CLTCL1: variants seen among roughly 807,000 people sequenced by gnomAD.
CLTCL1 encodes the protein clathrin heavy chain 2.
Under a neutral mutation model 190.0 loss-of-function variants are expected in CLTCL1, and 159 were observed. That is an observed-to-expected ratio of 0.84 (90% CI 0.74 to 0.95). CLTCL1 has a LOEUF of 0.95. Ranked by LOEUF, CLTCL1 falls within the 40% of genes least tolerant of loss-of-function variation. CLTCL1 has a pLI of 0.00. For missense variants in CLTCL1, 1,878 were observed against 2,033.4 expected (o/e 0.92, Z 1.47); for synonymous variants, 752 against 769.6 (o/e 0.98, Z 0.38).
intron 27 of CLTCL1, among the ~76,000 whole-genome samples, chr22:19,190,051 C>T (rs2084440647): frequency 6.6e-6 from 1 of 152,184 alleles, no homozygotes; most frequent in Non-Finnish European, 1.5e-5. Context: ...AGCGATTCTC[C>T]TGCCTCAGCC....
chr22:19,246,227 T>C (rs539145628), intron 3 of CLTCL1, among the ~76,000 whole-genome samples: 2 of 151,182 alleles, frequency 1.3e-5, no homozygotes, highest in East Asian at 3.9e-4. Context: ...GCCCGGCTAG[T>C]TTTTTTGTAT....
At chr22:19,249,705 GA>G (rs1299999609) in intron 3 of CLTCL1, among the ~76,000 whole-genome samples, 314 of 149,792 alleles carry the variant, frequency 2.1e-3, no homozygotes, top group Middle Eastern at 6.9e-3. Context: ...CAAAAGAAAA[GA>G]AAAAAAAAGA....
At chr22:19,223,696 C>T (rs1051086863) in intron 14 of CLTCL1, among the ~76,000 whole-genome samples, 195 bp downstream of exon 14, 1 of 152,218 alleles carries the variant, frequency 6.6e-6, no homozygotes, top group South Asian at 2.1e-4. Flanking sequence ...CAGCCTCAAG[C>T]TGCTTTCCAC....
rs1569174053 is a variant in CLTCL1 at position 19,210,311 on chromosome 22, C to CA, written c.3249+14dup. On this transcript the variant is annotated intron_variant, in intron 20 of 32. Coordinates refer to ENST00000427926, the MANE Select transcript of CLTCL1 (RefSeq NM_007098.4). ...GAAGGTGCTAGGTCCGACATGCTTACACTCAGCAGCCCACCTGGATTGCTG... is the reference window on the plus strand; with the variant it reads ...GAAGGTGCTAGGTCCGACATGCTTACAACTCAGCAGCCCACCTGGATTGCTG... The CA allele has an allele frequency of 1.2e-6, 2 of 1,611,696 alleles. No homozygotes were observed. The highest frequency in any genetic ancestry group is 2.7e-5 in the African/African-American group (2 of 74,924).
chr22:19,221,304 C>A, intron 17 of CLTCL1, 73 bp downstream of exon 17: 1 of 1,199,606 alleles, frequency 8.3e-7, no homozygotes, highest in Non-Finnish European at 1.2e-6. Flanking sequence ...GATCAGCTCC[C>A]CACAGGCACA....
chr22:19,220,040 C>T, intron 17 of CLTCL1, 33 bp from the exon 18 acceptor site: 6 of 1,612,940 alleles, frequency 3.7e-6, no homozygotes, highest in Non-Finnish European at 5.1e-6. Flanking sequence ...TGTGACACAG[C>T]AGCCAACCAG....
At chr22:19,239,172 G>A in intron 5 of CLTCL1, 103 bp downstream of exon 5, 1 of 875,230 alleles carries the variant, frequency 1.1e-6, no homozygotes, top group South Asian at 1.4e-5. Flanking sequence ...CACAGTGGCA[G>A]GAGACAGCAG....
At chr22:19,215,266 TA>T (rs1183932895) in intron 19 of CLTCL1, among the ~76,000 whole-genome samples, 3 of 152,206 alleles carry the variant, frequency 2.0e-5, no homozygotes, top group African/African-American at 4.8e-5. Flanking sequence ...TCTCCAAGTT[TA>T]AAAACACACA....
intron 26 of CLTCL1, among the ~76,000 whole-genome samples, chr22:19,192,930 A>G (rs554944407): frequency 5.3e-4 from 80 of 152,292 alleles, no homozygotes; most frequent in African/African-American, 1.9e-3. Context: ...CCCTTTACTC[A>G]GCAGCAGGGC....
At chr22:19,284,550 C>T (rs1177988548) in intron 1 of CLTCL1, among the ~76,000 whole-genome samples, 1 of 152,000 alleles carries the variant, frequency 6.6e-6, no homozygotes, top group African/African-American at 2.4e-5. Context: ...ATCCCAGCTA[C>T]CTGGGAGGCT....
intron 3 of CLTCL1, among the ~76,000 whole-genome samples, chr22:19,248,078 C>G (rs1283612796): frequency 6.6e-6 from 1 of 151,620 alleles, no homozygotes; most frequent in Non-Finnish European, 1.5e-5. Context: ...AGGCAGATCA[C>G]CTGAGGTCAG....
At chr22:19,184,195 A>G (rs2084235272) in intron 29 of CLTCL1, 1 of 293,166 alleles carries the variant, frequency 3.4e-6, no homozygotes, top group Non-Finnish European at 6.8e-6. Context: ...CACAGCAGGC[A>G]CTGGATCACC....
chr22:19,288,692 C>G (rs1156241846), intron 1 of CLTCL1, among the ~76,000 whole-genome samples: 1 of 152,252 alleles, frequency 6.6e-6, no homozygotes, highest in Non-Finnish European at 1.5e-5. Flanking sequence ...AGCAGTGAAA[C>G]TGCGAAAACA....
chr22:19,242,115 T>C (rs1555965671), intron 4 of CLTCL1, among the ~76,000 whole-genome samples: 1 of 151,680 alleles, frequency 6.6e-6, no homozygotes, highest in East Asian at 1.9e-4. Context: ...GCTAATTTTT[T>C]ATATTTTAAT....
At position 19,254,210 on chromosome 22, in the gene CLTCL1, T is replaced by C. The variant is rs782447312; in HGVS notation, c.268A>G (p.Ile90Val). The change falls in exon 3 of 33, where the codon ATC (isoleucine) becomes GTC (valine). Residue 90 changes from isoleucine (I) to valine (V), a missense_variant. By Grantham distance (29) the Ile-to-Val change is conservative. Coordinates refer to ENST00000427926, the MANE Select transcript of CLTCL1 (RefSeq NM_007098.4). The stretch of plus-strand genomic sequence containing the variant: ...TTACTCTTCATCTCAATATTAAAGA[T>C]CTGAAGTGTCTTCCCAGCTAGTATT... ...IALKAGKTLQIFNIEMKSKMK... is the reference protein window; with the variant it reads ...IALKAGKTLQVFNIEMKSKMK... 59 of 1,611,796 alleles carry C rather than the reference T, an allele frequency of 3.7e-5. No individual in the cohort carries two copies. The African/African-American group carries it at 6.8e-4, about 19-fold the overall frequency.
rs782187613 is a variant in CLTCL1, at chr22:19,233,543, T to G, written c.1247A>C (p.Gln416Pro). ...AQSGQASPLLQYFGILLDQGQ... is the reference protein window; with the variant it reads ...AQSGQASPLLPYFGILLDQGQ... ...CTGGTCGAGCAGGATTCCGAAGTAC[T>G]GCAGCAATGGAGAAGCCTGGCCAGA... Residue 416 changes from glutamine (Q) to proline (P), a missense_variant, in exon 8 of 33, where the codon CAG (glutamine) becomes CCG (proline). Transcript: ENST00000427926. The G allele has an allele frequency of 2.4e-5, 39 of 1,613,998 alleles. No individual in the cohort carries two copies. The highest frequency in any genetic ancestry group is 3.2e-5 in the Non-Finnish European group (38 of 1,179,904).
intron 3 of CLTCL1, among the ~76,000 whole-genome samples, chr22:19,247,034 G>C (rs1489519815): frequency 6.6e-6 from 1 of 152,050 alleles, no homozygotes; most frequent in Non-Finnish European, 1.5e-5. Context: ...TGTTGTTCAG[G>C]CTTTTGGTGC....
chr22:19,230,876 A>G (rs112999425), intron 10 of CLTCL1, among the ~76,000 whole-genome samples: 12 of 152,284 alleles, frequency 7.9e-5, no homozygotes, highest in African/African-American at 2.6e-4. Flanking sequence ...AAGTAGAATG[A>G]TCCACTCTCA....
At chr22:19,241,659 C>A (rs1555965472) in intron 4 of CLTCL1, among the ~76,000 whole-genome samples, 1 of 152,242 alleles carries the variant, frequency 6.6e-6, no homozygotes, top group Non-Finnish European at 1.5e-5. Flanking sequence ...TGAAGCAGCT[C>A]TCCAAGTGGC....
Sources: allele counts gnomAD v4.1 joint callset (sites outside exome capture counted in the v4.1 genomes callset), GRCh38; gene constraint gnomAD v4.1.1; transcripts MANE v1.5; gene names NCBI Gene and HGNC (gene_info 2026-07-23, HGNC 2026-07-21).